BRD7: variants seen among roughly 807,000 people sequenced by gnomAD.
The protein encoded by BRD7 is bromodomain-containing protein 7.
Under a neutral mutation model 82.1 loss-of-function variants are expected in BRD7, and 15 were observed. The observed-to-expected ratio is 0.18, with a 90% confidence interval of 0.12 to 0.28. BRD7 has a LOEUF of 0.28. BRD7 is among the 10% of genes least tolerant of loss of function. The probability of loss-of-function intolerance (pLI) is 1.00; values close to 1 mark genes in which losing one functional copy is unlikely to be tolerated. For synonymous variants in BRD7, 232 were observed against 266.9 expected, an observed-to-expected ratio of 0.87 and a Z score of 1.27; for missense variants, 638 against 779.9, an observed-to-expected ratio of 0.82 and a Z score of 2.17.
chr16:50,356,240 C>T (rs1041852082), intron 2 of BRD7, among the ~76,000 whole-genome samples: 2 of 152,194 alleles, frequency 1.3e-5, no homozygotes, highest in African/African-American at 4.8e-5. Context: ...TTAGCAATAT[C>T]TAGCAAAGCT....
At chr16:50,362,801 G>A (rs1416795247) in intron 2 of BRD7, among the ~76,000 whole-genome samples, 1 of 149,186 alleles carries the variant, frequency 6.7e-6, no homozygotes, top group South Asian at 2.1e-4. Context: ...AAAGGAAAAT[G>A]GGGAGTTTTT....
intron 2 of BRD7, among the ~76,000 whole-genome samples, chr16:50,358,352 CAGG>C (rs2038817548): frequency 6.6e-6 from 1 of 152,014 alleles, no homozygotes; most frequent in Non-Finnish European, 1.5e-5. Flanking sequence ...TAGCGAAATC[CAGG>C]AGTTTTGGTG....
At position 50,318,958 on chromosome 16, in the gene BRD7, A is replaced by G. The variant is rs1243861644; in HGVS notation, c.*253T>C. ...TGATCCTGTCTGTGGGACATAAGGA[A>G]GAAGCATTGGAAGGCACTATTTTGA... is the stretch of plus-strand genomic sequence containing the variant. On this transcript the variant is annotated 3_prime_UTR_variant, in exon 17 of 17. Coordinates refer to ENST00000394688, the MANE Select transcript of BRD7 (RefSeq NM_013263.5). The G allele has an allele frequency of 7.3e-6, 3 of 408,368 alleles. No homozygotes were observed. The allele number at this position is 408,368 out of a possible 1,614,324, so 25.3% of individuals were successfully genotyped here.
intron 16 of BRD7, 120 bp from the exon 17 acceptor site, chr16:50,319,386 C>A: frequency 1.2e-6 from 1 of 855,160 alleles, no homozygotes; most frequent in Non-Finnish European, 1.9e-6. Flanking sequence ...TCACCACATC[C>A]AAGGCTGAAG....
intron 2 of BRD7, among the ~76,000 whole-genome samples, chr16:50,360,181 T>C (rs2038886179): frequency 6.6e-6 from 1 of 152,204 alleles, no homozygotes; most frequent in Non-Finnish European, 1.5e-5. Flanking sequence ...TTCAGCTCCA[T>C]ACCTGCAAGC....
At chr16:50,366,497 G>C (rs1261906945) in intron 2 of BRD7, among the ~76,000 whole-genome samples, 1 of 152,224 alleles carries the variant, frequency 6.6e-6, no homozygotes, top group Non-Finnish European at 1.5e-5. Flanking sequence ...AACTAGTTAA[G>C]ATCAGATCTA....
At chr16:50,355,464 T>A (rs1403131042) in intron 2 of BRD7, among the ~76,000 whole-genome samples, 1 of 152,246 alleles carries the variant, frequency 6.6e-6, no homozygotes, top group Non-Finnish European at 1.5e-5. Flanking sequence ...TACCAGATAT[T>A]ATTTGTATAA....
At chr16:50,358,773 T>C (rs1297761179) in intron 2 of BRD7, among the ~76,000 whole-genome samples, 1 of 152,186 alleles carries the variant, frequency 6.6e-6, no homozygotes. Context: ...CAAAAAGTCT[T>C]TGGGGCTAGG....
At chr16:50,319,740 T>C (rs1027631425) in intron 16 of BRD7, 147 bp downstream of exon 16, 7 of 969,788 alleles carry the variant, frequency 7.2e-6, no homozygotes, top group Non-Finnish European at 1.1e-5. Context: ...ATACCTTTTA[T>C]GTTAGGGACT....
rs1316012554 is a variant in BRD7 at position 50,334,775 on chromosome 16, C to T, written c.823G>A (p.Glu275Lys). The T allele has an allele frequency of 1.4e-5, 23 of 1,614,078 alleles. No homozygotes were observed. Among genetic ancestry groups the T allele is most frequent in the Non-Finnish European group, 1.9e-5 (23 of 1,179,950 alleles). ...TCGGCATCTCCAGAGTCCTCTCTCT[C>T]TCTCTGCCAGCAGCCTCCGTCCTCC... ...SGEDGGCWQR[E>K]REDSGDAEAH... Residue 275 changes from glutamate to lysine, a missense_variant, in exon 7 of 17, where the codon GAG (glutamate) becomes AAG (lysine). Physicochemically the swap from Glu to Lys is moderately conservative, Grantham distance 56 (BLOSUM62 1). Around this residue, in one of 3 missense-constraint regions of BRD7, gnomAD observed 402 missense variants for 500.8 expected, o/e 0.80. Transcript: ENST00000394688.
Position 50,323,645 on chromosome 16 carries a change from C to G in BRD7, c.1385G>C (p.Ser462Thr), listed in dbSNP as rs768973311. ...CQDYPYVMAD[S>T]LLDVLTKGGH... is the part of the protein sequence containing the mutation. Reference sequence around the variant, plus strand: ...TCCTTTTGTTAAAACATCCAGTAAACTATCTGCCATGACATACGGATAATC... The same window carrying G: ...TCCTTTTGTTAAAACATCCAGTAAAGTATCTGCCATGACATACGGATAATC... Residue 462 changes from serine (S) to threonine (T), a missense_variant, in exon 12 of 17, where the codon AGT (serine) becomes ACT (threonine). Physicochemically the swap from Ser to Thr is moderately conservative, Grantham distance 58 (BLOSUM62 1). This residue lies in a region of BRD7 where 402 missense variants were observed against 500.8 expected (regional missense o/e 0.80). Coordinates refer to ENST00000394688, the MANE Select transcript of BRD7 (RefSeq NM_013263.5). 4.2e-5 allele frequency: 67 copies of G among 1,613,744 alleles called. 1 individual carries two copies. In the South Asian group the frequency reaches 6.7e-4, roughly 16 times the overall value.
chr16:50,349,424 T>TAAA lies in BRD7; in HGVS notation c.591+596_591+598dup, dbSNP rs903145367. ...AAAAATTAAAAAAATGTAAACCATC[T>TAAA]AAAAAAAAAAAAGAAAGTGTGTAGC... On this transcript the variant is annotated intron_variant, in intron 5 of 16. Coordinates refer to ENST00000394688, the MANE Select transcript of BRD7 (RefSeq NM_013263.5). The TAAA allele has an allele frequency of 1.5e-3, 471 of 317,624 alleles. 3 individuals carry two copies. Among genetic ancestry groups the TAAA allele is most frequent in the Admixed American group, 2.4e-3 (53 of 22,486 alleles). The allele number at this position is 317,624 out of a possible 1,614,324, so 19.7% of individuals were successfully genotyped here.
chr16:50,336,796 A>G (rs1446104239), intron 6 of BRD7, among the ~76,000 whole-genome samples: 1 of 152,230 alleles, frequency 6.6e-6, no homozygotes, highest in East Asian at 1.9e-4. Context: ...CAATTAGAGA[A>G]AGTTTCTAAA....
rs1171265128 is a variant in BRD7, at chr16:50,316,141, A to G, written c.*3070T>C. ...ATTAATGGGGTTTTTATCCTTTTGA[A>G]TGACTTTTCAGACACTAGACATAAA... On this transcript the variant is annotated 3_prime_UTR_variant, in exon 17 of 17. Coordinates refer to ENST00000394688, the MANE Select transcript of BRD7 (RefSeq NM_013263.5). 1 of 152,614 alleles carries G rather than the reference A, an allele frequency of 6.6e-6. No individual in the cohort carries two copies. Among genetic ancestry groups the G allele is most frequent in the Non-Finnish European group, 1.5e-5 (1 of 68,272 alleles). The allele number at this position is 152,614 out of a possible 1,614,324, so 9.5% of individuals were successfully genotyped here.
chr16:50,347,101 T>A (rs896159209), intron 5 of BRD7, among the ~76,000 whole-genome samples: 13 of 152,196 alleles, frequency 8.5e-5, no homozygotes, highest in African/African-American at 3.1e-4. Flanking sequence ...CAAGGCTGGT[T>A]CAATATATGC....
intron 1 of BRD7, 182 bp from the exon 2 acceptor site, chr16:50,368,480 G>A: frequency 1.3e-6 from 1 of 781,448 alleles, no homozygotes; most frequent in Non-Finnish European, 2.0e-6. Flanking sequence ...CGCCCCGAAC[G>A]CTCCCAGGCC....
chr16:50,350,986 A>G (rs1366540124), intron 4 of BRD7, among the ~76,000 whole-genome samples: 1 of 152,204 alleles, frequency 6.6e-6, no homozygotes, highest in Non-Finnish European at 1.5e-5. Flanking sequence ...TATTTCCAGT[A>G]TTGTCAGGTT....
At chr16:50,368,417 G>A in intron 1 of BRD7, 119 bp from the exon 2 acceptor site, 1 of 1,101,414 alleles carries the variant, frequency 9.1e-7, no homozygotes, top group East Asian at 2.6e-5. Context: ...TGGGCGCTCC[G>A]CGAAGCACCT....
At chr16:50,323,830 T>C in intron 11 of BRD7, 132 bp from the exon 12 acceptor site, 1 of 627,044 alleles carries the variant, frequency 1.6e-6, no homozygotes, top group Non-Finnish European at 2.9e-6. Flanking sequence ...AGACACAACA[T>C]GGTATCTACA....
Sources: allele counts gnomAD v4.1 joint callset (sites outside exome capture counted in the v4.1 genomes callset), GRCh38; gene constraint gnomAD v4.1.1; regional missense constraint gnomAD v4.1.1; transcripts MANE v1.5; gene names NCBI Gene and HGNC (gene_info 2026-07-23, HGNC 2026-07-21).